ANKS3: variants seen among roughly 807,000 people sequenced by gnomAD.
ANKS3 encodes ankyrin repeat and sterile alpha motif domain containing 3.
Under a neutral mutation model 80.7 loss-of-function variants are expected in ANKS3, and 62 were observed. The observed-to-expected ratio is 0.77, with a 90% confidence interval of 0.63 to 0.95. ANKS3 has a LOEUF of 0.95. Among genes scored for constraint, ANKS3 ranks in the 40% least tolerant of loss-of-function variants. The probability of loss-of-function intolerance (pLI) is 0.00; values close to 1 mark genes in which losing one functional copy is unlikely to be tolerated. For missense variants in ANKS3, 1,150 were observed against 883.6 expected, an observed-to-expected ratio of 1.30 and a Z score of -3.82; for synonymous variants, 489 against 355.3, an observed-to-expected ratio of 1.38 and a Z score of -4.23.
chr16:4,699,507 T>C (rs2142025627), intron 11 of ANKS3: 1 of 313,178 alleles, frequency 3.2e-6, no homozygotes, highest in East Asian at 6.6e-5. Context: ...CGCTGCCCTC[T>C]AATTCTAGAG....
At chr16:4,697,657 G>A (rs1343816868) in intron 15 of ANKS3, among the ~76,000 whole-genome samples, 5 of 152,238 alleles carry the variant, frequency 3.3e-5, no homozygotes, top group Non-Finnish European at 7.3e-5. Context: ...CTCTGCCGGT[G>A]GGGACCCGGG....
At chr16:4,712,790 G>A (rs1040401533) in intron 7 of ANKS3, among the ~76,000 whole-genome samples, 2 of 152,186 alleles carry the variant, frequency 1.3e-5, no homozygotes, top group Non-Finnish European at 2.9e-5. Context: ...CAATGAGCTA[G>A]AGGTGTTAGC....
rs114688890 is a variant in ANKS3 at position 4,730,111 on chromosome 16, G to T, written c.39C>A (p.Leu13=). 6.3e-7 allele frequency: 1 copy of T among 1,592,126 alleles called. No individual in the cohort carries two copies. The highest frequency in any genetic ancestry group is 2.3e-5 in the East Asian group (1 of 43,314). The part of the protein sequence containing the change: ...ELSDEASEPE[L]LNRSLSMWHG... ...GCCACATGGACAAGCTGCGGTTCAG[G>T]AGTTCCGGCTCGCTGGCTTCATCGC... is the stretch of plus-strand genomic sequence containing the variant. The change falls in exon 3 of 18, where the codon CTC becomes CTA. Residue 13 remains leucine, a synonymous_variant. Coordinates refer to ENST00000304283, the MANE Select transcript of ANKS3 (RefSeq NM_133450.4).
At chr16:4,727,259 G>A in intron 3 of ANKS3, 82 bp from the exon 4 acceptor site, 4 of 1,434,708 alleles carry the variant, frequency 2.8e-6, no homozygotes, top group Non-Finnish European at 3.9e-6. Flanking sequence ...GGCTAGGCCA[G>A]GCGGGATGAG....
At chr16:4,706,231 T>C (rs1223918240) in intron 7 of ANKS3, among the ~76,000 whole-genome samples, 1 of 152,018 alleles carries the variant, frequency 6.6e-6, no homozygotes, top group East Asian at 1.9e-4. Context: ...ATTTTCTTTT[T>C]TTTTTCTTTA....
In ANKS3 at chr16:4,734,041, G is replaced by T; in HGVS notation, c.-174C>A. On this transcript the variant is annotated 5_prime_UTR_variant, in exon 1 of 18. Transcript: ENST00000304283. ...CCACAACCACATAAAGAAAATGTGG[G>T]GGCTCGGTCCTCCAGTCACGCGGCG... The T allele has an allele frequency of 1.0e-6, 1 of 983,196 alleles. No individual in the cohort carries two copies. Among genetic ancestry groups the T allele is most frequent in the East Asian group, 1.1e-4 (1 of 8,802 alleles). 60.9% of individuals were successfully genotyped at this position (983,196 alleles called of 1,614,324 possible).
intron 8 of ANKS3, 144 bp from the exon 9 acceptor site, chr16:4,702,386 T>C: frequency 1.1e-6 from 1 of 886,042 alleles, no homozygotes; most frequent in Non-Finnish European, 1.6e-6. Flanking sequence ...CTATCTGTGG[T>C]GTGTGGGTGG....
intron 13 of ANKS3, 74 bp downstream of exon 13, chr16:4,698,726 C>T (rs2079728455): frequency 1.9e-6 from 3 of 1,551,028 alleles, no homozygotes; most frequent in African/African-American, 1.3e-5. Context: ...CACACAGCAC[C>T]CACCTTTTCT....
chr16:4,713,756 G>T (rs1419293239), intron 7 of ANKS3, among the ~76,000 whole-genome samples: 3 of 152,186 alleles, frequency 2.0e-5, no homozygotes, highest in African/African-American at 4.8e-5. Flanking sequence ...CATAGCTCAG[G>T]AAACAGTGAA....
In ANKS3 at chr16:4,698,986, C is replaced by G. The variant is rs557129144; in HGVS notation, c.1410-45G>C. ...AGGATATGCCTCAGCGTCCCAAGAG[C>G]GCTTACATGAGTGGGAGTTTGCCCC... On this transcript the variant is annotated intron_variant, in intron 12 of 17. Transcript: ENST00000304283. 1.4e-4 allele frequency: 231 copies of G among 1,613,464 alleles called. 2 individuals are homozygous for G. The South Asian group carries it at 2.1e-3, about 14-fold the overall frequency.
chr16:4,708,492 C>G (rs965252479), intron 7 of ANKS3, among the ~76,000 whole-genome samples: 2 of 152,060 alleles, frequency 1.3e-5, no homozygotes, highest in Admixed American at 1.3e-4. Context: ...AAGTTTCCAA[C>G]TCAAAAAACT....
intron 11 of ANKS3, 194 bp downstream of exon 11, chr16:4,700,776 G>T: frequency 1.2e-6 from 1 of 811,962 alleles, no homozygotes; most frequent in Non-Finnish European, 2.1e-6. Flanking sequence ...GAGAGGAACA[G>T]AGTAGAAGCG....
At chr16:4,716,952 C>A (rs2080834834) in intron 6 of ANKS3, among the ~76,000 whole-genome samples, 1 of 151,992 alleles carries the variant, frequency 6.6e-6, no homozygotes, top group Non-Finnish European at 1.5e-5. Context: ...AATTTATAAG[C>A]TGGGCACGGT....
At chr16:4,719,141 C>T (rs1160024283) in intron 6 of ANKS3, among the ~76,000 whole-genome samples, 5 of 151,928 alleles carry the variant, frequency 3.3e-5, no homozygotes, top group African/African-American at 1.2e-4. Context: ...TTGAGACCAG[C>T]CTAAGCAACT....
chr16:4,713,798 C>T (rs2080626645), intron 7 of ANKS3, among the ~76,000 whole-genome samples: 1 of 152,306 alleles, frequency 6.6e-6, no homozygotes, highest in East Asian at 1.9e-4. Flanking sequence ...TGCCCCTACT[C>T]GGTAGTCAAG....
At position 4,701,038 on chromosome 16, in the gene ANKS3, T is replaced by C. The variant is rs761920423; in HGVS notation, c.1216A>G (p.Thr406Ala). The change falls in exon 11 of 18, where the codon ACT becomes GCT. Residue 406 changes from threonine (T) to alanine (A), a missense_variant. Physicochemically the swap from Thr to Ala is moderately conservative, Grantham distance 58. Coordinates refer to ENST00000304283, the MANE Select transcript of ANKS3 (RefSeq NM_133450.4). ...TCAGCGAGAAAGCCTTCCCTGTCAG[T>C]TGCAGCGCGGGGAGGCCACTGGCTG... ...PDSQWPPRAA[T>A]DREGFLAESS... 9 of 1,614,130 alleles carry C rather than the reference T, an allele frequency of 5.6e-6. No homozygotes were observed. In the South Asian group the frequency reaches 6.6e-5, roughly 12 times the overall value.
At chr16:4,710,552 T>C (rs987249501) in intron 7 of ANKS3, among the ~76,000 whole-genome samples, 5 of 151,930 alleles carry the variant, frequency 3.3e-5, no homozygotes, top group African/African-American at 1.2e-4. Flanking sequence ...CTACAAAAAA[T>C]ACAAACGTAA....
rs368068938 is a variant in ANKS3, at chr16:4,719,741, A to G, written c.573+5009T>C. On this transcript the variant is annotated intron_variant, in intron 6 of 17. Transcript: ENST00000304283. Reference sequence around the variant, plus strand: ...TTCAGCCCAGGAGGTTGAGACTACAATGACCCATGATCAGGCCACTGCACT... The same window carrying G: ...TTCAGCCCAGGAGGTTGAGACTACAGTGACCCATGATCAGGCCACTGCACT... Among the ~76,000 whole-genome samples the G allele has an allele frequency of 1.8e-4, 27 of 152,212 alleles. No homozygotes were observed. The South Asian group carries it at 2.9e-3, about 16-fold the overall frequency.
At position 4,705,075 on chromosome 16, in the gene ANKS3, G is replaced by C. The variant is rs370740279; in HGVS notation, c.868+20C>G. On this transcript the variant is annotated intron_variant, in intron 8 of 17. Transcript: ENST00000304283. ...TGGTATGCAATGAGAAAGAGCCCTC[G>C]GGAAACGCGGGCCACTCACCATAGC... The C allele has an allele frequency of 1.2e-6, 2 of 1,608,618 alleles. No individual in the cohort carries two copies. The highest frequency in any genetic ancestry group is 8.5e-7 in the Non-Finnish European group (1 of 1,178,202).
Sources: gnomAD v4.1 joint callset for allele counts (sites outside exome capture counted in the v4.1 genomes callset) on GRCh38, gnomAD v4.1.1 for gene constraint, MANE v1.5 for transcripts, NCBI Gene and HGNC (gene_info 2026-07-23, HGNC 2026-07-21) for gene names.